CRTAC1: variants seen among roughly 807,000 people sequenced by gnomAD.
CRTAC1 encodes the protein cartilage acidic protein 1.
A neutral mutation model predicts 67.8 loss-of-function variants in CRTAC1; 37 were observed. That is an observed-to-expected ratio of 0.55 (90% CI 0.42 to 0.72). The LOEUF is 0.72. CRTAC1 is among the 30% of genes least tolerant of loss of function. The pLI is 0.00. For missense variants in CRTAC1, 780 were observed against 931.6 expected (o/e 0.84, Z 2.12); for synonymous variants, 348 against 371.0 (o/e 0.94, Z 0.71).
chr10:97,901,730 A>G, intron 7 of CRTAC1, 91 bp from the exon 8 acceptor site: 2 of 1,509,192 alleles, frequency 1.3e-6, no homozygotes, highest in Non-Finnish European at 1.8e-6. Context: ...GCAATTAAAA[A>G]TAAGAGACAG....
intron 1 of CRTAC1, among the ~76,000 whole-genome samples, chr10:98,020,972 T>C (rs1843105877): frequency 6.6e-6 from 1 of 152,166 alleles, no homozygotes; most frequent in Non-Finnish European, 1.5e-5. Context: ...GCAAATACTG[T>C]GGCCCAAGTG....
intron 14 of CRTAC1, chr10:97,879,621 A>G: frequency 6.6e-7 from 1 of 1,520,928 alleles, no homozygotes; most frequent in Non-Finnish European, 8.8e-7. Context: ...GCAGCAGGAG[A>G]GAGATTTAGT....
At chr10:97,916,152 C>T (rs2050755872) in intron 5 of CRTAC1, among the ~76,000 whole-genome samples, 1 of 150,002 alleles carries the variant, frequency 6.7e-6, no homozygotes, top group African/African-American at 2.5e-5. Flanking sequence ...GTGCTTCATC[C>T]CCCCAGTGCA....
At chr10:97,890,213 C>T (rs1345569678) in intron 11 of CRTAC1, among the ~76,000 whole-genome samples, 2 of 152,096 alleles carry the variant, frequency 1.3e-5, no homozygotes, top group African/African-American at 4.8e-5. Flanking sequence ...AACTCCTGGC[C>T]TTGAGCGATC....
intron 5 of CRTAC1, among the ~76,000 whole-genome samples, chr10:97,911,118 C>T (rs757224202): frequency 4.6e-5 from 7 of 152,194 alleles, no homozygotes; most frequent in Non-Finnish European, 1.0e-4. Flanking sequence ...GCTGTCCCTG[C>T]CCTGGTCTTA....
intron 14 of CRTAC1, chr10:97,866,472 C>T (rs1054260037): frequency 1.3e-5 from 2 of 152,212 alleles, no homozygotes; most frequent in African/African-American, 4.8e-5. Context: ...GCCTGAATCT[C>T]CTGAACTACA....
At chr10:97,912,427 C>A (rs1438591206) in intron 5 of CRTAC1, among the ~76,000 whole-genome samples, 1 of 152,168 alleles carries the variant, frequency 6.6e-6, no homozygotes, top group African/African-American at 2.4e-5. Flanking sequence ...TAGCCACATT[C>A]TGGCACTCTG....
chr10:97,882,933 G>A, intron 12 of CRTAC1, 105 bp from the exon 13 acceptor site: 1 of 1,175,318 alleles, frequency 8.5e-7, no homozygotes, highest in Middle Eastern at 1.9e-4. Context: ...ACCACAGTGT[G>A]AGGCATGCTC....
intron 2 of CRTAC1, among the ~76,000 whole-genome samples, chr10:98,002,549 G>A (rs917596291): frequency 4.6e-5 from 7 of 151,794 alleles, no homozygotes; most frequent in Non-Finnish European, 1.0e-4. Context: ...GAATGCTTGC[G>A]TCTCTCTAGT....
chr10:97,969,875 A>G (rs1426378633), intron 2 of CRTAC1, among the ~76,000 whole-genome samples: 1 of 152,068 alleles, frequency 6.6e-6, no homozygotes, highest in East Asian at 1.9e-4. Context: ...ACACAGTATC[A>G]GGGCTTTAAA....
intron 4 of CRTAC1, among the ~76,000 whole-genome samples, chr10:97,920,970 G>A (rs953960440): frequency 6.6e-6 from 1 of 152,190 alleles, no homozygotes; most frequent in Non-Finnish European, 1.5e-5. Flanking sequence ...TGGATGTTCC[G>A]GGTTTGGAGC....
intron 4 of CRTAC1, among the ~76,000 whole-genome samples, chr10:97,921,676 C>G (rs1200526895): frequency 6.6e-6 from 1 of 152,190 alleles, no homozygotes; most frequent in Non-Finnish European, 1.5e-5. Context: ...TCTCTGTCAA[C>G]TTCCAGGCTG....
chr10:97,932,622 T>C lies in CRTAC1; in HGVS notation c.421+3548A>G, dbSNP rs187203225. 3.5e-3 allele frequency among the ~76,000 whole-genome samples: 524 copies of C among 151,630 alleles called. 1 individual carries two copies. The highest frequency in any genetic ancestry group is 5.9e-3 in the Non-Finnish European group (401 of 67,858). The stretch of plus-strand genomic sequence containing the variant: ...AAGGAGTGAGCCTGGAGAACATCAG[T>C]GGGAAAAGCATTTCAGGCAGAGGGA... On this transcript the variant is annotated intron_variant, in intron 3 of 14. Coordinates refer to ENST00000370597, the MANE Select transcript of CRTAC1 (RefSeq NM_018058.7).
intron 5 of CRTAC1, among the ~76,000 whole-genome samples, chr10:97,911,861 G>A (rs903163004): frequency 6.6e-6 from 1 of 152,130 alleles, no homozygotes; most frequent in East Asian, 1.9e-4. Flanking sequence ...GGTCACCCAG[G>A]GGGCAGTTAG....
intron 5 of CRTAC1, among the ~76,000 whole-genome samples, chr10:97,910,017 A>G (rs2136577647): frequency 6.6e-6 from 1 of 152,108 alleles, no homozygotes; most frequent in Non-Finnish European, 1.5e-5. Flanking sequence ...AACTCATAGA[A>G]GAAGAGAGTA....
intron 2 of CRTAC1, among the ~76,000 whole-genome samples, chr10:97,989,565 TA>T (rs1235625370): frequency 6.6e-6 from 1 of 152,216 alleles, no homozygotes; most frequent in African/African-American, 2.4e-5. Flanking sequence ...AAAGGTACAA[TA>T]AAGATACAAT....
At chr10:97,940,956 C>T (rs1369943202) in intron 2 of CRTAC1, among the ~76,000 whole-genome samples, 60 of 152,316 alleles carry the variant, frequency 3.9e-4, no homozygotes, top group African/African-American at 1.2e-4. Flanking sequence ...CCAAACATCC[C>T]GCCCTCGGTA....
intron 1 of CRTAC1, among the ~76,000 whole-genome samples, chr10:98,019,119 C>A (rs933693582): frequency 6.6e-6 from 1 of 151,982 alleles, no homozygotes; most frequent in Non-Finnish European, 1.5e-5. Context: ...TGTAGCTGGA[C>A]TCTGAGGATG....
rs484357 is a variant in CRTAC1 at position 98,029,491 on chromosome 10, A to G, written c.24+958T>C. ...ACTGGGTGCACCCACCAGCAGCAGC[A>G]GCGGCGGCGGCGGCGGCGGCGGCGG... On this transcript the variant is annotated intron_variant, in intron 1 of 14. Transcript: ENST00000370597. This position sits in a 1 kb window ranked among gnomAD's most constrained non-coding sequence, Gnocchi z 4.7. Among the ~76,000 whole-genome samples the G allele has an allele frequency of 0.094, 13,237 of 140,180 alleles. 690 individuals are homozygous for G. The highest frequency in any genetic ancestry group is 0.18 in the South Asian group (777 of 4,242). 92.0% of individuals were successfully genotyped at this position (140,180 alleles called of 152,430 possible).
Sources: allele counts gnomAD v4.1 joint callset (sites outside exome capture counted in the v4.1 genomes callset), GRCh38; gene constraint gnomAD v4.1.1; non-coding constraint Gnocchi (gnomAD v3.1); transcripts MANE v1.5; gene names NCBI Gene and HGNC (gene_info 2026-07-23, HGNC 2026-07-21).